VPS8: variants seen among roughly 807,000 people sequenced by gnomAD.
VPS8 encodes vacuolar protein sorting-associated protein 8 homolog.
VPS8 carries 129 observed loss-of-function variants against 216.4 expected under a neutral mutation model. The observed-to-expected ratio is 0.60, with a 90% CI of 0.52 to 0.69. VPS8 has a LOEUF of 0.69. Ranked by LOEUF, VPS8 falls within the 30% of genes least tolerant of loss-of-function variation. VPS8 has a pLI of 0.00. For missense variants in VPS8, 1,531 were observed against 1,683.5 expected, an observed-to-expected ratio of 0.91 and a Z score of 1.59; for synonymous variants, 571 against 565.4, an observed-to-expected ratio of 1.01 and a Z score of -0.14.
chr3:184,947,033 A>G (rs1743800609), intron 36 of VPS8, among the ~76,000 whole-genome samples: 1 of 152,132 alleles, frequency 6.6e-6, no homozygotes. Context: ...AAAAGCCTTA[A>G]ATCTTACATA....
In VPS8 at chr3:184,988,127, T is replaced by A. The variant is rs544390915; in HGVS notation, c.3585+5033T>A. On this transcript the variant is annotated intron_variant, in intron 42 of 47. Transcript: ENST00000625842. The stretch of plus-strand genomic sequence containing the variant: ...CACTCTGTGGCTGGTCTTTTTATTC[T>A]CTTAACAGTGTGTTTCACACAGCAG... Among the ~76,000 whole-genome samples the A allele has an allele frequency of 3.9e-5, 6 of 152,362 alleles. No homozygotes were observed. The South Asian group carries it at 1.2e-3, about 32-fold the overall frequency.
At chr3:184,967,535 ATTATT>A (rs1199279733) in intron 39 of VPS8, among the ~76,000 whole-genome samples, 1 of 152,148 alleles carries the variant, frequency 6.6e-6, no homozygotes, top group Non-Finnish European at 1.5e-5. Flanking sequence ...TTCAAAAAAA[ATTATT>A]TTAATAAATT....
rs554789451 is a variant in VPS8 at position 185,051,869 on chromosome 3, T to C, written c.4138-7T>C. ...AACCTTAGCTGATGTGTGTCCTTCC[T>C]TTGCAGCTGGCTCTCCTCACGGAAC... On this transcript the variant is annotated splice_polypyrimidine_tract_variant and splice_region_variant and intron_variant, in intron 47 of 47. Transcript: ENST00000625842. 1 of 1,591,872 alleles carries C rather than the reference T, an allele frequency of 6.3e-7. No individual in the cohort carries two copies. The highest frequency in any genetic ancestry group is 1.2e-5 in the South Asian group (1 of 86,664).
At chr3:184,994,967 A>G (rs1752424118) in intron 43 of VPS8, among the ~76,000 whole-genome samples, 1 of 152,166 alleles carries the variant, frequency 6.6e-6, no homozygotes, top group Non-Finnish European at 1.5e-5. Context: ...CCCTTATAAT[A>G]CCGTCTGCTC....
chr3:184,896,834 T>C (rs1229385203), intron 23 of VPS8, among the ~76,000 whole-genome samples: 2 of 152,160 alleles, frequency 1.3e-5, no homozygotes, highest in Non-Finnish European at 1.5e-5. Context: ...CTGGGAAATA[T>C]AGTAAAGAGA....
intron 46 of VPS8, among the ~76,000 whole-genome samples, chr3:185,032,055 T>G (rs1481263356): frequency 6.6e-6 from 1 of 152,072 alleles, no homozygotes; most frequent in African/African-American, 2.4e-5. Flanking sequence ...TCCAGTCTAC[T>G]TGGGAGGCTG....
chr3:184,868,135 A>G (rs1727706795), intron 18 of VPS8, 76 bp downstream of exon 18: 1 of 1,482,644 alleles, frequency 6.7e-7, no homozygotes, highest in South Asian at 1.2e-5. Context: ...GACTTTTCAG[A>G]AGAAGATTAT....
chr3:184,993,170 G>C (rs1187749378), intron 42 of VPS8, among the ~76,000 whole-genome samples: 1 of 151,830 alleles, frequency 6.6e-6, no homozygotes, highest in Non-Finnish European at 1.5e-5. Context: ...ATTAAAAAAA[G>C]ATATAAAAAT....
rs766381839 is a variant in VPS8, at chr3:184,870,794, C to G, written c.1723C>G (p.Gln575Glu). 1.9e-6 allele frequency: 3 copies of G among 1,610,868 alleles called. No homozygotes were observed. Among genetic ancestry groups the G allele is most frequent in the Admixed American group, 3.4e-5 (2 of 59,664 alleles). Residue 575 changes from glutamine to glutamate, a missense_variant, in exon 21 of 48, where the codon CAG becomes GAG. Around this residue, in one of 3 missense-constraint regions of VPS8, gnomAD observed 1,318 missense variants for 1,468.4 expected, o/e 0.90. Coordinates refer to ENST00000625842, the MANE Select transcript of VPS8 (RefSeq NM_001009921.3). ...CCAAGGAAAAATCCAAGTGATGGAG[C>G]AGCATTTTCAGGTACACATTGCATG... ...PDQGKIQVME[Q>E]HFQDMVPVIV...
chr3:184,824,898 G>T, intron 2 of VPS8, 113 bp downstream of exon 2: 6 of 970,610 alleles, frequency 6.2e-6, no homozygotes, highest in Non-Finnish European at 9.0e-6. Flanking sequence ...ATAGGAGTCT[G>T]TGTATAATTT....
intron 24 of VPS8, 143 bp from the exon 25 acceptor site, chr3:184,900,778 A>C (rs1734339792): frequency 3.0e-6 from 2 of 671,876 alleles, no homozygotes; most frequent in African/African-American, 3.7e-5. Flanking sequence ...CATTTCATGT[A>C]CAGATTAAAG....
chr3:184,850,873 G>A (rs575018075), intron 10 of VPS8, among the ~76,000 whole-genome samples: 2 of 152,212 alleles, frequency 1.3e-5, no homozygotes, highest in Non-Finnish European at 2.9e-5. Context: ...ACAGAGCAGC[G>A]TTGAAGCATT....
At chr3:184,849,822 C>T (rs1162283885) in intron 9 of VPS8, 114 bp from the exon 10 acceptor site, 1 of 779,602 alleles carries the variant, frequency 1.3e-6, no homozygotes, top group Non-Finnish European at 2.2e-6. Context: ...CTTTATAGTT[C>T]TTTGCCTGCA....
chr3:184,941,183 TTTTA>T, intron 36 of VPS8, among the ~76,000 whole-genome samples: 2 of 152,232 alleles, frequency 1.3e-5, no homozygotes, highest in East Asian at 3.8e-4. Flanking sequence ...TTCTGTGAGA[TTTTA>T]AAATACCAAA....
At chr3:184,904,196 C>A (rs183624003) in intron 25 of VPS8, among the ~76,000 whole-genome samples, 4 of 152,138 alleles carry the variant, frequency 2.6e-5, no homozygotes, top group Admixed American at 6.5e-5. Context: ...ATAATTTTTT[C>A]TTTCTAATAT....
intron 9 of VPS8, 177 bp downstream of exon 9, chr3:184,849,372 C>T (rs992182898): frequency 1.8e-5 from 12 of 670,872 alleles, no homozygotes; most frequent in South Asian, 6.4e-5. Context: ...TAATTGTTAT[C>T]GACTGACCCA....
At chr3:185,002,749 A>G (rs1407430135) in intron 45 of VPS8, among the ~76,000 whole-genome samples, 1 of 152,198 alleles carries the variant, frequency 6.6e-6, no homozygotes, top group East Asian at 1.9e-4. Flanking sequence ...AATGGTCTCC[A>G]TCTCCATCCA....
At chr3:184,888,834 C>T (rs1368041654) in intron 22 of VPS8, among the ~76,000 whole-genome samples, 1 of 152,122 alleles carries the variant, frequency 6.6e-6, no homozygotes, top group Non-Finnish European at 1.5e-5. Flanking sequence ...ATACCTGACA[C>T]AATATAGCTA....
chr3:184,956,080 T>C (rs1745552609), intron 36 of VPS8, among the ~76,000 whole-genome samples: 1 of 152,200 alleles, frequency 6.6e-6, no homozygotes, highest in South Asian at 2.1e-4. Flanking sequence ...TTTTAGTTTA[T>C]CGTTTACCCA....
Sources: gnomAD v4.1 joint callset for allele counts (sites outside exome capture counted in the v4.1 genomes callset) on GRCh38, gnomAD v4.1.1 for gene constraint, gnomAD v4.1.1 regional missense constraint, MANE v1.5 for transcripts, NCBI Gene and HGNC (gene_info 2026-07-23, HGNC 2026-07-21) for gene names.